GRAMD1B: variants seen among roughly 807,000 people sequenced by gnomAD.
GRAMD1B encodes the protein protein Aster-B.
GRAMD1B carries 37 observed loss-of-function variants against 99.7 expected under a neutral mutation model. That is an observed-to-expected ratio of 0.37 (90% CI 0.29 to 0.49). The LOEUF (loss-of-function observed/expected upper bound fraction) is 0.49, where lower values mean the gene tolerates loss of function less well. Among genes scored for constraint, GRAMD1B ranks in the 20% least tolerant of loss-of-function variants. The probability of loss-of-function intolerance (pLI) is 0.98; values close to 1 mark genes in which losing one functional copy is unlikely to be tolerated. For missense variants in GRAMD1B, 888 were observed against 1,009.2 expected (o/e 0.88, Z 1.63); for synonymous variants, 427 against 387.6 (o/e 1.10, Z -1.19).
At chr11:123,450,072 G>T (rs1421081232) in intron 1 of GRAMD1B, among the ~76,000 whole-genome samples, 9 of 152,076 alleles carry the variant, frequency 5.9e-5, no homozygotes, top group Non-Finnish European at 1.5e-5. Context: ...GCCAAACTTG[G>T]CATAGTTAGG....
intron 1 of GRAMD1B, among the ~76,000 whole-genome samples, chr11:123,480,273 C>A (rs1449403969): frequency 6.6e-6 from 1 of 152,144 alleles, no homozygotes; most frequent in Admixed American, 6.5e-5. Context: ...GGCAGAGTAG[C>A]AGACTAAGTG....
intron 1 of GRAMD1B, among the ~76,000 whole-genome samples, chr11:123,376,737 G>C (rs535672171): frequency 6.6e-6 from 1 of 152,230 alleles, no homozygotes; most frequent in African/African-American, 2.4e-5. Context: ...CCGGCATCTG[G>C]TCAAGGAACA....
chr11:123,532,747 A>G (rs1943528917), intron 2 of GRAMD1B, among the ~76,000 whole-genome samples: 2 of 152,242 alleles, frequency 1.3e-5, no homozygotes, highest in Admixed American at 6.5e-5. Context: ...GAAGGATAAT[A>G]TGACATGCAA....
chr11:123,535,290 G>GT (rs563808023), intron 2 of GRAMD1B, among the ~76,000 whole-genome samples: 2,888 of 144,718 alleles, frequency 0.02, 73 homozygotes, highest in African/African-American at 0.063. Context: ...CAGGAAAGAT[G>GT]TTTTTTTTTT....
chr11:123,617,663 G>C (rs1488468968), intron 17 of GRAMD1B, among the ~76,000 whole-genome samples: 1 of 152,186 alleles, frequency 6.6e-6, no homozygotes, highest in Non-Finnish European at 1.5e-5. Context: ...CTAGGTTGGA[G>C]AAGCTAGGAA....
chr11:123,598,453 G>A, intron 7 of GRAMD1B: 2 of 989,584 alleles, frequency 2.0e-6, no homozygotes, highest in South Asian at 2.5e-5. Flanking sequence ...TGTTCTCCGA[G>A]AATCTCTACG....
chr11:123,540,868 A>G (rs1419888525), intron 2 of GRAMD1B, among the ~76,000 whole-genome samples: 1 of 152,162 alleles, frequency 6.6e-6, no homozygotes, highest in African/African-American at 2.4e-5. Context: ...CATCACAAAC[A>G]TGCATCCCTA....
rs1163867752 is a variant in GRAMD1B at position 123,431,089 on chromosome 11, C to T, written c.297C>T (p.Ser99=). ...DTPWSNCSTP[S]ASPRRKRFLL... ...CGTGGTCCAACTGCTCCACACCCAG[C>T]GCGTCCCCGCGCCGAAAACGCTTCC... Residue 99 remains serine, a synonymous_variant, in exon 1 of 20, where the codon AGC becomes AGT. Coordinates refer to ENST00000635736, the MANE Select transcript of GRAMD1B (RefSeq NM_001387025.1). 1.4e-6 allele frequency: 1 copy of T among 703,044 alleles called. No individual in the cohort carries two copies. The highest frequency in any genetic ancestry group is 1.5e-5 in the South Asian group (1 of 67,606). The allele number at this position is 703,044 out of a possible 1,614,324, so 43.6% of individuals were successfully genotyped here. A position where few individuals can be genotyped will look rare whatever the true frequency, so the allele number is the denominator to read the frequency against.
chr11:123,412,134 A>G (rs1030531440), intron 1 of GRAMD1B, among the ~76,000 whole-genome samples: 5 of 152,208 alleles, frequency 3.3e-5, no homozygotes, highest in African/African-American at 1.2e-4. Flanking sequence ...AAAAGTTATC[A>G]TAAACTAGTT....
chr11:123,589,614 T>TTTTATATATATATA (rs762751523), intron 4 of GRAMD1B, among the ~76,000 whole-genome samples: 3 of 128,278 alleles, frequency 2.3e-5, no homozygotes, highest in African/African-American at 1.1e-4. Context: ...TGGCTAATTT[T>TTTTATATATATATA]TATATATATA....
intron 1 of GRAMD1B, among the ~76,000 whole-genome samples, chr11:123,406,335 C>G (rs1384177087): frequency 6.6e-6 from 1 of 151,894 alleles, no homozygotes; most frequent in Non-Finnish European, 1.5e-5. Context: ...CTCACTGCAA[C>G]CTCCACCGAC....
intron 1 of GRAMD1B, among the ~76,000 whole-genome samples, chr11:123,365,739 A>G (rs554158118): frequency 2.6e-5 from 4 of 152,214 alleles, no homozygotes; most frequent in African/African-American, 9.6e-5. Context: ...GCCTATATCA[A>G]TTTTCTGGAG....
At chr11:123,621,886 T>TTCTTTTTC (rs1955162879) in intron 19 of GRAMD1B, among the ~76,000 whole-genome samples, 1 of 61,962 alleles carries the variant, frequency 1.6e-5, no homozygotes, top group Admixed American at 2.0e-4. Flanking sequence ...TTCTTTTTCT[T>TTCTTTTTC]TCTTTCTTTC....
chr11:123,407,431 G>A (rs1374116807), intron 1 of GRAMD1B, among the ~76,000 whole-genome samples: 2 of 152,172 alleles, frequency 1.3e-5, no homozygotes, highest in Admixed American at 6.5e-5. Context: ...CATGTTTCTG[G>A]CCCACAGACC....
At chr11:123,560,918 G>A (rs1424077496) in intron 2 of GRAMD1B, among the ~76,000 whole-genome samples, 2 of 152,136 alleles carry the variant, frequency 1.3e-5, no homozygotes, top group African/African-American at 4.8e-5. Flanking sequence ...AGTCCATGTT[G>A]TTTGCTTCTG....
rs576590652 is a variant in GRAMD1B at position 123,456,285 on chromosome 11, A to G, written c.375-24531A>G. ...TTGTCAGCAGAAGCACCAGAGGGTT[A>G]AGAAAAAAGTTTCAGATGCCTTCTC... is the stretch of plus-strand genomic sequence containing the variant. On this transcript the variant is annotated intron_variant, in intron 1 of 19. Transcript: ENST00000635736. Among the ~76,000 whole-genome samples, 16 of 152,356 alleles carry G rather than the reference A, an allele frequency of 1.1e-4. No homozygotes were observed. In the South Asian group the frequency reaches 3.3e-3, roughly 32 times the overall value.
At chr11:123,419,836 A>T (rs898998857) in intron 1 of GRAMD1B, among the ~76,000 whole-genome samples, 2 of 152,016 alleles carry the variant, frequency 1.3e-5, no homozygotes, top group Non-Finnish European at 2.9e-5. Flanking sequence ...CCTCTGCCTG[A>T]AGGACATATG....
At chr11:123,611,705 T>C (rs900875889) in intron 14 of GRAMD1B, among the ~76,000 whole-genome samples, 1 of 152,098 alleles carries the variant, frequency 6.6e-6, no homozygotes, top group Non-Finnish European at 1.5e-5. Flanking sequence ...AACAGACCAT[T>C]ATAGGAAGGT....
At position 123,610,306 on chromosome 11, in the gene GRAMD1B, C is replaced by T; in HGVS notation, c.1887C>T (p.Leu629=). 1 of 1,613,934 alleles carries T rather than the reference C, an allele frequency of 6.2e-7. No homozygotes were observed. Among genetic ancestry groups the T allele is most frequent in the South Asian group, 1.1e-5 (1 of 91,080 alleles). The change falls in exon 14 of 20, where the codon CTC becomes CTT. Residue 629 remains leucine (L), a synonymous_variant. Coordinates refer to ENST00000635736, the MANE Select transcript of GRAMD1B (RefSeq NM_001387025.1). The surrounding 1 kb of genome is among the most constrained non-coding windows in gnomAD (Gnocchi z 4.1). ...TCTACACAATCAATCGCTACACGCT[C>T]ACCCGTGTGGCTCGGAACAAGAGCC... ...DYFYTINRYT[L]TRVARNKSRL...
Sources: gnomAD v4.1 joint callset for allele counts (sites outside exome capture counted in the v4.1 genomes callset) on GRCh38, gnomAD v4.1.1 for gene constraint, Gnocchi (gnomAD v3.1) non-coding constraint, MANE v1.5 for transcripts, NCBI Gene and HGNC (gene_info 2026-07-23, HGNC 2026-07-21) for gene names.